RNF139: variants seen among roughly 807,000 people sequenced by gnomAD.
The protein encoded by RNF139 is E3 ubiquitin-protein ligase RNF139.
Under a neutral mutation model 49.5 loss-of-function variants are expected in RNF139, and 15 were observed. The ratio of observed to expected loss-of-function variants is 0.30; its 90% CI spans 0.20 to 0.47. The LOEUF is 0.47. Among genes scored for constraint, RNF139 ranks in the 20% least tolerant of loss-of-function variants. The pLI is 1.00. For missense variants in RNF139, 619 were observed against 806.3 expected, an observed-to-expected ratio of 0.77 and a Z score of 2.81; for synonymous variants, 325 against 300.9, an observed-to-expected ratio of 1.08 and a Z score of -0.83.
At chr8:124,482,057 A>T (rs749354660) in intron 1 of RNF139, among the ~76,000 whole-genome samples, 3 of 152,092 alleles carry the variant, frequency 2.0e-5, no homozygotes, top group Admixed American at 6.6e-5. Flanking sequence ...ATGTTAACTC[A>T]CTATTACATC....
Position 124,487,739 on chromosome 8 carries a change from AC to A in RNF139, c.*96del. On this transcript the variant is annotated 3_prime_UTR_variant, in exon 2 of 2. Coordinates refer to ENST00000303545, the MANE Select transcript of RNF139 (RefSeq NM_007218.4). Reference sequence around the variant, plus strand: ...CTTCACCTTCAGTGTGTAACCAAGCACAAAAACAGTATCAATGTTGAATCTG... The same window carrying A: ...CTTCACCTTCAGTGTGTAACCAAGCAAAAAACAGTATCAATGTTGAATCTG... The A allele has an allele frequency of 8.2e-7, 1 of 1,213,582 alleles. No homozygotes were observed. Among genetic ancestry groups the A allele is most frequent in the East Asian group, 2.4e-5 (1 of 41,096 alleles). The allele number at this position is 1,213,582 out of a possible 1,614,324, so 75.2% of individuals were successfully genotyped here. A position where few individuals can be genotyped will look rare whatever the true frequency, so the allele number is the denominator to read the frequency against.
intron 1 of RNF139, among the ~76,000 whole-genome samples, chr8:124,481,356 T>C (rs1207715866): frequency 6.6e-6 from 1 of 152,176 alleles, no homozygotes; most frequent in Non-Finnish European, 1.5e-5. Context: ...ATTGTAAATA[T>C]TATGTTTTGT....
intron 1 of RNF139, among the ~76,000 whole-genome samples, chr8:124,483,006 TA>T (rs1303032012): frequency 5.2e-4 from 43 of 82,712 alleles, no homozygotes; most frequent in African/African-American, 6.5e-4. Context: ...ATATATATAT[TA>T]AAAATATATA....
rs1816521242 is a variant in RNF139 at position 124,485,976 on chromosome 8, C to T, written c.327C>T (p.Tyr109=). 1 of 1,614,196 alleles carries T rather than the reference C, an allele frequency of 6.2e-7. No homozygotes were observed. The highest frequency in any genetic ancestry group is 8.5e-7 in the Non-Finnish European group (1 of 1,180,018). The change falls in exon 2 of 2, where the codon TAC becomes TAT. Residue 109 remains tyrosine (Y), a synonymous_variant. Coordinates refer to ENST00000303545, the MANE Select transcript of RNF139 (RefSeq NM_007218.4). The stretch of plus-strand genomic sequence containing the variant: ...TGCACATTGACTTCTATGGTGCCTA[C>T]AACACGTCAGCTTTTGGAATTGAGC... ...ASLHIDFYGA[Y]NTSAFGIELL...
chr8:124,486,645 TA>T lies in RNF139; in HGVS notation c.997del (p.Ile333PhefsTer8). The T allele has an allele frequency of 6.2e-7, 1 of 1,614,172 alleles. No homozygotes were observed. The highest frequency in any genetic ancestry group is 8.5e-7 in the Non-Finnish European group (1 of 1,180,030). ...GCTTTGTTGCACCTGTTTTATTTTTTATTTTGGCTCTTCAGACTGGGTTAAG... is the reference window on the plus strand; with the variant it reads ...GCTTTGTTGCACCTGTTTTATTTTTTTTTTGGCTCTTCAGACTGGGTTAAG... ...LGFVAPVLFF[I>X]LALQTGLSGL... is the part of the protein sequence containing the mutation. On this transcript the variant is annotated frameshift_variant, in exon 2 of 2. Transcript: ENST00000303545. LOFTEE classifies it high-confidence loss of function.
At chr8:124,475,815 C>T (rs984621123) in intron 1 of RNF139, among the ~76,000 whole-genome samples, 9 of 152,138 alleles carry the variant, frequency 5.9e-5, no homozygotes, top group Non-Finnish European at 1.0e-4. Context: ...AATGTCAGAC[C>T]TTGAAACCAT....
At chr8:124,484,979 G>A (rs2131305474) in intron 1 of RNF139, among the ~76,000 whole-genome samples, 1 of 152,286 alleles carries the variant, frequency 6.6e-6, no homozygotes, top group East Asian at 1.9e-4. Context: ...TAGGAAATAA[G>A]AGCTGGCATG....
At position 124,475,072 on chromosome 8, in the gene RNF139, C is replaced by T; in HGVS notation, c.-38C>T. Reference sequence around the variant, plus strand: ...GGCCCCGGGCCCTGCCCCGCGCGGCCCTGCCCGGCCCACCGAGCCCTGGTG... The same window carrying T: ...GGCCCCGGGCCCTGCCCCGCGCGGCTCTGCCCGGCCCACCGAGCCCTGGTG... On this transcript the variant is annotated 5_prime_UTR_variant, in exon 1 of 2. Transcript: ENST00000303545. 6.9e-7 allele frequency: 1 copy of T among 1,443,554 alleles called. No individual in the cohort carries two copies. The highest frequency in any genetic ancestry group is 9.1e-7 in the Non-Finnish European group (1 of 1,102,240). The allele number at this position is 1,443,554 out of a possible 1,614,324, so 89.4% of individuals were successfully genotyped here. A position where few individuals can be genotyped will look rare whatever the true frequency, so the allele number is the denominator to read the frequency against.
chr8:124,475,880 A>G (rs1816305457), intron 1 of RNF139, among the ~76,000 whole-genome samples: 1 of 152,232 alleles, frequency 6.6e-6, no homozygotes, highest in South Asian at 2.1e-4. Context: ...AAAATTTTCC[A>G]TGAATAAACG....
At chr8:124,479,821 G>A (rs1011962502) in intron 1 of RNF139, among the ~76,000 whole-genome samples, 1 of 152,118 alleles carries the variant, frequency 6.6e-6, no homozygotes, top group African/African-American at 2.4e-5. Flanking sequence ...TAGAATTGAA[G>A]TACATTGAGG....
intron 1 of RNF139, among the ~76,000 whole-genome samples, chr8:124,477,303 A>C (rs1336121442): frequency 6.6e-6 from 1 of 152,238 alleles, no homozygotes; most frequent in Non-Finnish European, 1.5e-5. Context: ...ATAAGAATGA[A>C]AAAAACTGAT....
intron 1 of RNF139, among the ~76,000 whole-genome samples, chr8:124,477,025 C>T (rs777881898): frequency 6.6e-6 from 1 of 152,128 alleles, no homozygotes; most frequent in South Asian, 2.1e-4. Context: ...TTATTTTTAC[C>T]TTTTAAAAGA....
intron 1 of RNF139, among the ~76,000 whole-genome samples, chr8:124,480,502 C>T (rs1471426935): frequency 6.7e-6 from 1 of 150,242 alleles, no homozygotes; most frequent in Non-Finnish European, 1.5e-5. Flanking sequence ...TTACAAAGGA[C>T]ACAGATGAAT....
In RNF139 at chr8:124,487,597, C is replaced by G. The variant is rs999290602; in HGVS notation, c.1948C>G (p.Gln650Glu). 6.2e-7 allele frequency: 1 copy of G among 1,612,828 alleles called. No individual in the cohort carries two copies. Among genetic ancestry groups the G allele is most frequent in the East Asian group, 2.2e-5 (1 of 44,838 alleles). Residue 650 changes from glutamine (Q) to glutamate (E), a missense_variant, in exon 2 of 2, where the codon CAG becomes GAG. Gln to Glu is a conservative substitution (Grantham distance 29, BLOSUM62 2). Coordinates refer to ENST00000303545, the MANE Select transcript of RNF139 (RefSeq NM_007218.4). ...TCAAAGAGAAAGAAATGGAGTGATTCAGCACACAGGCGCAGCAGCTGAAGA... is the reference window on the plus strand; with the variant it reads ...TCAAAGAGAAAGAAATGGAGTGATTGAGCACACAGGCGCAGCAGCTGAAGA... ...DVQRERNGVI[Q>E]HTGAAAEEFN... is the part of the protein sequence containing the mutation.
chr8:124,481,591 C>T (rs974413691), intron 1 of RNF139, among the ~76,000 whole-genome samples: 2 of 151,988 alleles, frequency 1.3e-5, no homozygotes, highest in Non-Finnish European at 2.9e-5. Flanking sequence ...TGGATACCTG[C>T]CTCTTTTTGG....
intron 1 of RNF139, among the ~76,000 whole-genome samples, chr8:124,481,382 C>A (rs190220031): frequency 3.8e-4 from 58 of 152,168 alleles, no homozygotes; most frequent in Non-Finnish European, 7.1e-4. Context: ...GATTTTTAGT[C>A]ATAAGTTTCC....
chr8:124,485,756 G>A lies in RNF139; in HGVS notation c.182-75G>A, dbSNP rs1460001235. 3 of 1,226,266 alleles carry A rather than the reference G, an allele frequency of 2.4e-6. No homozygotes were observed. In the African/African-American group the frequency reaches 4.5e-5, roughly 19 times the overall value. The allele number at this position is 1,226,266 out of a possible 1,614,324, so 76.0% of individuals were successfully genotyped here. ...TATTCATATTTCCTAATTAAAGGAA[G>A]AATATCATAACTCTTAGTGGGGAAA... On this transcript the variant is annotated intron_variant, in intron 1 of 1. Coordinates refer to ENST00000303545, the MANE Select transcript of RNF139 (RefSeq NM_007218.4).
rs1395712000 is a variant in RNF139, at chr8:124,486,769, G to A, written c.1120G>A (p.Val374Ile). The A allele has an allele frequency of 6.2e-7, 1 of 1,613,908 alleles. No homozygotes were observed. Among genetic ancestry groups the A allele is most frequent in the African/African-American group, 1.3e-5 (1 of 74,998 alleles). ...LHFIHGMTDP[V>I]LMSLSASHVS... ...TTTTATCCATGGAATGACAGACCCTGTATTAATGTCTCTCAGTGCCTCTCA... is the reference window on the plus strand; with the variant it reads ...TTTTATCCATGGAATGACAGACCCTATATTAATGTCTCTCAGTGCCTCTCA... Residue 374 changes from valine to isoleucine, a missense_variant, in exon 2 of 2, where the codon GTA (valine) becomes ATA (isoleucine). Coordinates refer to ENST00000303545, the MANE Select transcript of RNF139 (RefSeq NM_007218.4).
chr8:124,477,152 T>C (rs1442656959), intron 1 of RNF139, among the ~76,000 whole-genome samples: 1 of 152,226 alleles, frequency 6.6e-6, no homozygotes, highest in South Asian at 2.1e-4. Flanking sequence ...CGGCAAAATA[T>C]TGGTGTTGTT....
Sources: allele counts gnomAD v4.1 joint callset (sites outside exome capture counted in the v4.1 genomes callset), GRCh38; gene constraint gnomAD v4.1.1; transcripts MANE v1.5; gene names NCBI Gene and HGNC (gene_info 2026-07-23, HGNC 2026-07-21).